SNX13: variants seen among roughly 807,000 people sequenced by gnomAD.
The protein encoded by SNX13 is sorting nexin-13.
SNX13 carries 45 observed loss-of-function variants against 133.6 expected under a neutral mutation model. That is an observed-to-expected ratio of 0.34 (90% CI 0.27 to 0.43). The LOEUF is 0.43. Ranked by LOEUF, SNX13 falls within the 20% of genes least tolerant of loss-of-function variation. The probability of loss-of-function intolerance (pLI) is 1.00; values close to 1 mark genes in which losing one functional copy is unlikely to be tolerated. For missense variants in SNX13, 1,032 were observed against 1,145.1 expected (o/e 0.90, Z 1.43); for synonymous variants, 414 against 373.9 (o/e 1.11, Z -1.24).
intron 20 of SNX13, among the ~76,000 whole-genome samples, chr7:17,806,641 T>TA (rs890199049): frequency 3.5e-4 from 52 of 146,652 alleles, no homozygotes; most frequent in East Asian, 1.6e-3. Flanking sequence ...CATTATTAAT[T>TA]AAAAAAAAAA....
At position 17,926,678 on chromosome 7, in the gene SNX13, G is replaced by A. The variant is rs147432084; in HGVS notation, c.12+13606C>T. 4.1e-4 allele frequency among the ~76,000 whole-genome samples: 62 copies of A among 152,266 alleles called. No individual in the cohort carries two copies. In the East Asian group the frequency reaches 8.1e-3, roughly 20 times the overall value. On this transcript the variant is annotated intron_variant, in intron 1 of 25. Transcript: ENST00000428135. ...AGGTGGATGGATTACTTTGAGCTCG[G>A]GAGTTTGAGATCAGCCTAAGCAACA...
At position 17,864,696 on chromosome 7, in the gene SNX13, A is replaced by G. The variant is rs185489263; in HGVS notation, c.837+3711T>C. ...AATAAAATTCAATCCAAATAAGATG[A>G]CCAAAGGCATGTAAATCAAACTCTC... On this transcript the variant is annotated intron_variant, in intron 9 of 25. Transcript: ENST00000428135. 2.8e-3 allele frequency among the ~76,000 whole-genome samples: 429 copies of G among 152,252 alleles called. 12 individuals carry two copies. The highest frequency in any genetic ancestry group is 0.025 in the Admixed American group (388 of 15,296).
chr7:17,922,521 G>T (rs758643581), intron 1 of SNX13, among the ~76,000 whole-genome samples: 1 of 152,176 alleles, frequency 6.6e-6, no homozygotes, highest in Admixed American at 6.5e-5. Context: ...CAAAAATAGA[G>T]TAGAACTTCT....
intron 20 of SNX13, among the ~76,000 whole-genome samples, chr7:17,813,330 TA>T (rs1786275546): frequency 6.6e-6 from 1 of 152,110 alleles, no homozygotes; most frequent in Non-Finnish European, 1.5e-5. Flanking sequence ...CTAGTGACAA[TA>T]AAACTGTTCC....
intron 20 of SNX13, among the ~76,000 whole-genome samples, chr7:17,809,282 C>CAAAAA (rs535077123): frequency 8.9e-4 from 44 of 49,274 alleles, no homozygotes; most frequent in East Asian, 2.2e-3. Flanking sequence ...AGATGGAAAG[C>CAAAAA]AAAAAAAAAA....
chr7:17,855,387 G>A (rs1454482564), intron 9 of SNX13, among the ~76,000 whole-genome samples: 1 of 152,138 alleles, frequency 6.6e-6, no homozygotes, highest in East Asian at 1.9e-4. Context: ...AGACAAAACA[G>A]CCTTATATGG....
intron 7 of SNX13, among the ~76,000 whole-genome samples, chr7:17,873,935 T>C (rs1028573903): frequency 6.6e-6 from 1 of 152,224 alleles, no homozygotes; most frequent in Non-Finnish European, 1.5e-5. Flanking sequence ...TACCACACGT[T>C]AATTAGCTTT....
Position 17,793,979 on chromosome 7 carries a change from C to T in SNX13, c.*66G>A. On this transcript the variant is annotated 3_prime_UTR_variant, in exon 26 of 26. Transcript: ENST00000428135. ...CAGACACAACAGTATTTGAGTTAAG[C>T]CCCAGAAGATCTGTCCATACCATTA... 2 of 1,539,232 alleles carry T rather than the reference C, an allele frequency of 1.3e-6. No individual in the cohort carries two copies. The highest frequency in any genetic ancestry group is 1.8e-6 in the Non-Finnish European group (2 of 1,138,180).
rs1240670161 is a variant in SNX13 at position 17,868,403 on chromosome 7, C to A, written c.837+4G>T. ...ACAGAGTTGTAATTTTAAAAGGCAC[C>A]TACCATCCATATGACATACTGATTA... On this transcript the variant is annotated splice_donor_region_variant and intron_variant, in intron 9 of 25. Transcript: ENST00000428135. 1 of 1,586,898 alleles carries A rather than the reference C, an allele frequency of 6.3e-7. No homozygotes were observed. Among genetic ancestry groups the A allele is most frequent in the African/African-American group, 1.4e-5 (1 of 73,722 alleles).
intron 17 of SNX13, among the ~76,000 whole-genome samples, chr7:17,822,672 A>G (rs913713774): frequency 2.6e-5 from 4 of 152,038 alleles, no homozygotes; most frequent in African/African-American, 9.7e-5. Flanking sequence ...GTTGCTATTA[A>G]TTGCTTTCTG....
At chr7:17,939,841 C>T (rs532632030) in intron 1 of SNX13, among the ~76,000 whole-genome samples, 1 of 152,338 alleles carries the variant, frequency 6.6e-6, no homozygotes, top group Non-Finnish European at 1.5e-5. Flanking sequence ...CGAGCAACAA[C>T]CCCAGGGTGC....
chr7:17,852,356 G>A (rs185810701), intron 9 of SNX13, among the ~76,000 whole-genome samples: 1 of 152,070 alleles, frequency 6.6e-6, no homozygotes, highest in African/African-American at 2.4e-5. Flanking sequence ...TTGGGCGCCA[G>A]AGTGAGATTC....
chr7:17,837,204 C>T (rs1044149285), intron 13 of SNX13, among the ~76,000 whole-genome samples: 13 of 151,970 alleles, frequency 8.6e-5, no homozygotes, highest in Admixed American at 2.6e-4. Context: ...CATATGATCA[C>T]GGTTCACTGC....
chr7:17,839,363 C>T (rs916872546), intron 13 of SNX13, among the ~76,000 whole-genome samples: 3 of 151,652 alleles, frequency 2.0e-5, no homozygotes, highest in African/African-American at 4.8e-5. Flanking sequence ...AAGTCTCCAA[C>T]TATAACCGTT....
chr7:17,877,045 GAAAAAAAAAAAA>G (rs57618763), intron 5 of SNX13, among the ~76,000 whole-genome samples: 2 of 60,070 alleles, frequency 3.3e-5, no homozygotes, highest in African/African-American at 1.0e-4. Flanking sequence ...GTTACTTTTT[GAAAAAAAAAAAA>G]AAAAAAAAAA....
chr7:17,870,125 TA>T, intron 8 of SNX13, among the ~76,000 whole-genome samples: 1 of 152,244 alleles, frequency 6.6e-6, no homozygotes, highest in Middle Eastern at 3.4e-3. Context: ...ACATAATTCC[TA>T]CTTTAAGACC....
chr7:17,928,244 C>A (rs2128044114), intron 1 of SNX13, among the ~76,000 whole-genome samples: 1 of 152,248 alleles, frequency 6.6e-6, no homozygotes, highest in East Asian at 1.9e-4. Context: ...GTGGATGTAG[C>A]CCCAGCTACT....
chr7:17,824,808 T>A (rs1787695528), intron 17 of SNX13, among the ~76,000 whole-genome samples: 1 of 151,830 alleles, frequency 6.6e-6, no homozygotes, highest in African/African-American at 2.4e-5. Context: ...TCTCGCTCTG[T>A]CGCCAGGCTA....
intron 18 of SNX13, among the ~76,000 whole-genome samples, chr7:17,819,397 T>C (rs1787031456): frequency 6.6e-6 from 1 of 151,968 alleles, no homozygotes; most frequent in Admixed American, 6.6e-5. Flanking sequence ...CAGCTAATTT[T>C]TTGTATTTTT....
Sources: allele counts gnomAD v4.1 joint callset (sites outside exome capture counted in the v4.1 genomes callset), GRCh38; gene constraint gnomAD v4.1.1; transcripts MANE v1.5; gene names NCBI Gene and HGNC (gene_info 2026-07-23, HGNC 2026-07-21).